OTUD7B: variants seen among roughly 807,000 people sequenced by gnomAD.
OTUD7B encodes the protein OTU domain-containing protein 7B.
OTUD7B carries 34 observed loss-of-function variants against 82.2 expected under a neutral mutation model. The observed-to-expected ratio is 0.41, with a 90% CI of 0.31 to 0.55. OTUD7B has a LOEUF of 0.55. Among genes scored for constraint, OTUD7B ranks in the 20% least tolerant of loss-of-function variants. The pLI is 0.20. For missense variants in OTUD7B, 944 were observed against 1,062.1 expected, an observed-to-expected ratio of 0.89 and a Z score of 1.55; for synonymous variants, 398 against 402.7, an observed-to-expected ratio of 0.99 and a Z score of 0.14.
the OTUD7B span, among the ~76,000 whole-genome samples, chr1:150,049,633 C>CTTT: frequency 7.6e-6 from 1 of 132,322 alleles, no homozygotes; most frequent in African/African-American, 2.8e-5. Flanking sequence ...CTCTCTCTTT[C>CTTT]TTTTTTTTTT....
Position 149,950,169 on chromosome 1 carries a change from A to G in OTUD7B, c.898T>C (p.Phe300Leu), listed in dbSNP as rs782546230. The G allele has an allele frequency of 3.1e-6, 5 of 1,614,048 alleles. No individual in the cohort carries two copies. The highest frequency in any genetic ancestry group is 4.2e-6 in the Non-Finnish European group (5 of 1,180,026). ...VYESLEEFHVFVLAHVLRRPI... is the reference protein window; with the variant it reads ...VYESLEEFHVLVLAHVLRRPI... ...CTCCTAAGCACATGAGCAAGGACAA[A>G]GACGTGAAACTCTTCAAGGCTCTCA... Residue 300 changes from phenylalanine to leucine, a missense_variant, in exon 8 of 12, where the codon TTT (phenylalanine) becomes CTT (leucine). Physicochemically the swap from Phe to Leu is conservative, Grantham distance 22. Around this residue, in one of 3 missense-constraint regions of OTUD7B, gnomAD observed 530 missense variants for 625.6 expected, o/e 0.85. Coordinates refer to ENST00000581312, the MANE Select transcript of OTUD7B (RefSeq NM_020205.4).
At chr1:149,970,891 G>A (rs587596793) in intron 3 of OTUD7B, among the ~76,000 whole-genome samples, 172 bp downstream of exon 3, 5 of 152,182 alleles carry the variant, frequency 3.3e-5, no homozygotes, top group East Asian at 3.9e-4. Context: ...ATGCAGAGAC[G>A]CAGTGAGGGA....
chr1:149,999,551 G>A (rs1464353511), intron 1 of OTUD7B, among the ~76,000 whole-genome samples: 3 of 152,138 alleles, frequency 2.0e-5, no homozygotes, highest in Admixed American at 2.0e-4. Context: ...CACATAAGAG[G>A]AGATAAGTTT....
rs782307581 is a variant in OTUD7B at position 149,949,085 on chromosome 1, T to C, written c.1124-2A>G. 6.3e-7 allele frequency: 1 copy of C among 1,576,464 alleles called. No homozygotes were observed. Among genetic ancestry groups the C allele is most frequent in the Non-Finnish European group, 8.7e-7 (1 of 1,145,646 alleles). On this transcript the variant is annotated splice_acceptor_variant, in intron 9 of 11. Coordinates refer to ENST00000581312, the MANE Select transcript of OTUD7B (RefSeq NM_020205.4). LOFTEE classifies it high-confidence loss of function. Reference sequence around the variant, plus strand: ...CTGAATCTGTAAGTGGGATCACAGCTGGAGAGGAAGAAACATATCATCAAG... The same window carrying C: ...CTGAATCTGTAAGTGGGATCACAGCCGGAGAGGAAGAAACATATCATCAAG...
the OTUD7B span, among the ~76,000 whole-genome samples, chr1:150,019,040 C>T: frequency 2.0e-5 from 3 of 152,218 alleles, no homozygotes; most frequent in African/African-American, 7.2e-5. Flanking sequence ...TAGACATACA[C>T]ACATCTACAA....
rs587684819 is a variant in OTUD7B at position 150,001,089 on chromosome 1, G to A, written c.-67+9359C>T. On this transcript the variant is annotated intron_variant, in intron 1 of 11. Coordinates refer to ENST00000581312, the MANE Select transcript of OTUD7B (RefSeq NM_020205.4). Reference sequence around the variant, plus strand: ...ATTCAGGCCAGTAGTCATTTCTTGAGAAAGAGGAAGGAGGAAAGGATGCAG... The same window carrying A: ...ATTCAGGCCAGTAGTCATTTCTTGAAAAAGAGGAAGGAGGAAAGGATGCAG... 3.3e-5 allele frequency among the ~76,000 whole-genome samples: 5 copies of A among 152,272 alleles called. No individual in the cohort carries two copies. In the South Asian group the frequency reaches 8.3e-4, roughly 25 times the overall value.
At chr1:149,970,187 TG>T (rs1168449897) in intron 3 of OTUD7B, among the ~76,000 whole-genome samples, 16 of 147,000 alleles carry the variant, frequency 1.1e-4, no homozygotes, top group Admixed American at 6.9e-5. Context: ...CCCAGCACTT[TG>T]GGGGGCCAAG....
intron 1 of OTUD7B, among the ~76,000 whole-genome samples, chr1:150,001,756 T>G (rs950104330): frequency 6.6e-6 from 1 of 152,130 alleles, no homozygotes; most frequent in African/African-American, 2.4e-5. Context: ...GTGGACAGCT[T>G]CCAAACCAAG....
chr1:149,949,934 T>C (rs781918493), intron 8 of OTUD7B, among the ~76,000 whole-genome samples, 156 bp from the exon 9 acceptor site: 19 of 152,248 alleles, frequency 1.2e-4, no homozygotes, highest in Non-Finnish European at 1.8e-4. Context: ...CCAACTGCTT[T>C]ACTCAGAATC....
the OTUD7B span, among the ~76,000 whole-genome samples, chr1:150,020,956 C>T: frequency 3.3e-5 from 5 of 152,206 alleles, no homozygotes; most frequent in Non-Finnish European, 2.9e-5. Flanking sequence ...GCTGGGGCAG[C>T]GCCTTCCACC....
intron 1 of OTUD7B, among the ~76,000 whole-genome samples, chr1:149,993,729 G>A (rs1209728208): frequency 1.3e-5 from 2 of 152,098 alleles, no homozygotes; most frequent in African/African-American, 4.8e-5. Flanking sequence ...GGGAAAACAA[G>A]CAGATACTGA....
At chr1:149,976,769 C>T (rs1553778661) in intron 2 of OTUD7B, among the ~76,000 whole-genome samples, 2 of 151,994 alleles carry the variant, frequency 1.3e-5, no homozygotes, top group Non-Finnish European at 2.9e-5. Flanking sequence ...CATGGATGAT[C>T]CCATCATGAA....
At position 149,943,702 on chromosome 1, in the gene OTUD7B, G is replaced by A; in HGVS notation, c.*155C>T. The A allele has an allele frequency of 1.3e-6, 1 of 773,490 alleles. No individual in the cohort carries two copies. The highest frequency in any genetic ancestry group is 2.1e-6 in the Non-Finnish European group (1 of 470,078). 47.9% of individuals were successfully genotyped at this position (773,490 alleles called of 1,614,324 possible). ...GCCCCGACCTGCTCTTGCCAGCCTGGCAGCACTCCTGTGTGCACACACTTA... is the reference window on the plus strand; with the variant it reads ...GCCCCGACCTGCTCTTGCCAGCCTGACAGCACTCCTGTGTGCACACACTTA... On this transcript the variant is annotated 3_prime_UTR_variant, in exon 12 of 12. Transcript: ENST00000581312.
At chr1:150,034,592 AAAG>A in the OTUD7B span, among the ~76,000 whole-genome samples, 2 of 152,234 alleles carry the variant, frequency 1.3e-5, no homozygotes, top group African/African-American at 4.8e-5. Flanking sequence ...TACTTTAAAA[AAAG>A]AAATCATTTC....
the OTUD7B span, among the ~76,000 whole-genome samples, chr1:150,044,758 A>T: frequency 6.6e-6 from 1 of 151,900 alleles, no homozygotes; most frequent in South Asian, 2.1e-4. Flanking sequence ...ACAACCCAAC[A>T]TTATAGTCTG....
chr1:149,988,106 TCTA>T (rs1651279553), intron 1 of OTUD7B, among the ~76,000 whole-genome samples: 1 of 152,156 alleles, frequency 6.6e-6, no homozygotes, highest in South Asian at 2.1e-4. Flanking sequence ...TACATATCCT[TCTA>T]CTCACCCTGC....
At chr1:150,017,666 C>T in the OTUD7B span, among the ~76,000 whole-genome samples, 2 of 152,170 alleles carry the variant, frequency 1.3e-5, no homozygotes, top group Non-Finnish European at 2.9e-5. Flanking sequence ...ACTAGGTCAG[C>T]ACTAGGAGGG....
chr1:149,953,788 G>T (rs1284244346), intron 7 of OTUD7B, among the ~76,000 whole-genome samples: 1 of 152,116 alleles, frequency 6.6e-6, no homozygotes, highest in East Asian at 1.9e-4. Context: ...GGATTTCTAG[G>T]TATTTTATTC....
In OTUD7B at chr1:149,944,345, C is replaced by T. The variant is rs961330117; in HGVS notation, c.2044G>A (p.Glu682Lys). The T allele has an allele frequency of 8.7e-6, 14 of 1,613,238 alleles. No homozygotes were observed. The highest frequency in any genetic ancestry group is 1.2e-5 in the Non-Finnish European group (14 of 1,179,496). Residue 682 changes from glutamate to lysine, a missense_variant, in exon 12 of 12, where the codon GAG (glutamate) becomes AAG (lysine). By Grantham distance (56) the Glu-to-Lys change is moderately conservative (BLOSUM62 1). Around this residue, in one of 3 missense-constraint regions of OTUD7B, gnomAD observed 412 missense variants for 418.7 expected, o/e 0.98. Coordinates refer to ENST00000581312, the MANE Select transcript of OTUD7B (RefSeq NM_020205.4). ...REEQPTGPPA[E>K]SRAMAFSTGY... is the part of the protein sequence containing the mutation. Reference sequence around the variant, plus strand: ...GTGGAAAATGCCATTGCCCTGGACTCTGCTGGGGGACCGGTCGGCTGCTCT... The same window carrying T: ...GTGGAAAATGCCATTGCCCTGGACTTTGCTGGGGGACCGGTCGGCTGCTCT...
Sources: allele counts gnomAD v4.1 joint callset (sites outside exome capture counted in the v4.1 genomes callset), GRCh38; gene constraint gnomAD v4.1.1; regional missense constraint gnomAD v4.1.1; transcripts MANE v1.5; gene names NCBI Gene and HGNC (gene_info 2026-07-23, HGNC 2026-07-21).